The following ART3 variants were observed in gnomAD, a reference collection of about 807,000 sequenced individuals.
ART3 encodes ADP-ribosyltransferase 3 (inactive).
A neutral mutation model predicts 48.5 loss-of-function variants in ART3; 49 were observed. That is an observed-to-expected ratio of 1.01 (90% CI 0.80 to 1.28). ART3 has a LOEUF of 1.28. ART3 is among the 50% of genes most tolerant of loss of function. The probability of loss-of-function intolerance (pLI) is 0.00; values close to 1 mark genes in which losing one functional copy is unlikely to be tolerated. For synonymous variants in ART3, 145 were observed against 157.2 expected, an observed-to-expected ratio of 0.92 and a Z score of 0.58; for missense variants, 438 against 454.3, an observed-to-expected ratio of 0.96 and a Z score of 0.33.
intron 2 of ART3, among the ~76,000 whole-genome samples, chr4:76,079,968 A>G (rs751714169): frequency 1.4e-4 from 21 of 152,068 alleles, no homozygotes; most frequent in Non-Finnish European, 2.5e-4. Flanking sequence ...AGTATCATTC[A>G]CATAGAACCT....
chr4:76,013,354 G>A (rs575337550), intron 1 of ART3, among the ~76,000 whole-genome samples: 4 of 152,246 alleles, frequency 2.6e-5, no homozygotes, highest in East Asian at 1.9e-4. Context: ...GGAACAAGAC[G>A]ATGAAGTGCC....
chr4:76,052,731 T>TTTTTA (rs1221044441), intron 1 of ART3, among the ~76,000 whole-genome samples: 11 of 150,946 alleles, frequency 7.3e-5, no homozygotes, highest in African/African-American at 2.7e-4. Context: ...TTTTTTTTTT[T>TTTTTA]TAAGACAGAG....
chr4:76,059,706 ACT>A (rs1170561999), intron 1 of ART3, among the ~76,000 whole-genome samples: 7 of 152,178 alleles, frequency 4.6e-5, no homozygotes, highest in African/African-American at 1.7e-4. Flanking sequence ...GTAACAAGTG[ACT>A]CTGACAATTT....
chr4:76,100,749 C>G (rs780573978), intron 6 of ART3, 46 bp from the exon 7 acceptor site: 3 of 1,595,896 alleles, frequency 1.9e-6, no homozygotes, highest in Non-Finnish European at 2.6e-6. Context: ...ACTGCCAATT[C>G]TTTTGTTCCT....
intron 1 of ART3, among the ~76,000 whole-genome samples, chr4:76,020,594 A>G (rs1266221605): frequency 6.6e-6 from 1 of 152,196 alleles, no homozygotes; most frequent in Non-Finnish European, 1.5e-5. Flanking sequence ...AGGACATAGA[A>G]TAGAGGAGGA....
chr4:76,091,454 T>A (rs1724868815), intron 3 of ART3, among the ~76,000 whole-genome samples: 1 of 152,192 alleles, frequency 6.6e-6, no homozygotes, highest in Admixed American at 6.5e-5. Context: ...GGTGGTATTT[T>A]ATTGTAGTTT....
At chr4:76,049,461 G>T (rs558456974) in intron 1 of ART3, among the ~76,000 whole-genome samples, 2 of 151,702 alleles carry the variant, frequency 1.3e-5, no homozygotes, top group African/African-American at 4.8e-5. Context: ...GTCGACCCTC[G>T]GCTCAGCCCA....
chr4:76,067,831 T>C (rs1014443627), intron 1 of ART3, among the ~76,000 whole-genome samples: 21 of 152,246 alleles, frequency 1.4e-4, no homozygotes, highest in Admixed American at 1.4e-3. Context: ...AAGAAATATC[T>C]TGTTCTGGTG....
chr4:76,033,521 C>G (rs1025839724), intron 1 of ART3, among the ~76,000 whole-genome samples: 2 of 152,138 alleles, frequency 1.3e-5, no homozygotes, highest in African/African-American at 4.8e-5. Flanking sequence ...TTTGGACTAT[C>G]AAGACCCCCC....
chr4:76,091,789 C>A (rs1165277592), intron 3 of ART3, among the ~76,000 whole-genome samples: 2 of 149,240 alleles, frequency 1.3e-5, no homozygotes, highest in African/African-American at 4.9e-5. Flanking sequence ...TCAAGCAATT[C>A]TCCTGCCTCA....
intron 1 of ART3, among the ~76,000 whole-genome samples, chr4:76,068,774 C>T (rs1192099712): frequency 1.3e-5 from 2 of 152,112 alleles, no homozygotes; most frequent in African/African-American, 2.4e-5. Context: ...ACACATGTAC[C>T]CTTGAGCCTA....
chr4:76,087,038 G>A (rs1038450789), intron 3 of ART3, among the ~76,000 whole-genome samples: 2 of 152,190 alleles, frequency 1.3e-5, no homozygotes, highest in African/African-American at 4.8e-5. Flanking sequence ...CGCTTTTGGT[G>A]TTTTTGATGC....
intron 1 of ART3, among the ~76,000 whole-genome samples, chr4:76,036,576 T>A (rs935884830): frequency 1.3e-5 from 2 of 152,130 alleles, no homozygotes; most frequent in African/African-American, 4.8e-5. Flanking sequence ...CTAAAGAAGT[T>A]TCCCTGTGTT....
chr4:76,029,930 C>T (rs912979643), intron 1 of ART3, among the ~76,000 whole-genome samples: 1 of 152,218 alleles, frequency 6.6e-6, no homozygotes, highest in Non-Finnish European at 1.5e-5. Context: ...CCCCTCATAT[C>T]CCTATTTCTG....
intron 2 of ART3, among the ~76,000 whole-genome samples, chr4:76,079,679 T>C (rs1301084125): frequency 6.6e-6 from 1 of 151,962 alleles, no homozygotes; most frequent in African/African-American, 2.4e-5. Flanking sequence ...GTGAGAGCTG[T>C]TTGGGTGGAG....
intron 1 of ART3, chr4:76,021,833 G>A: frequency 1.7e-6 from 2 of 1,187,276 alleles, no homozygotes; most frequent in Non-Finnish European, 2.5e-6. Flanking sequence ...GAACAATTAT[G>A]GCTTGACATA....
chr4:76,089,096 T>TTATTTTATTC, intron 3 of ART3, among the ~76,000 whole-genome samples: 1 of 152,360 alleles, frequency 6.6e-6, no homozygotes, highest in South Asian at 2.1e-4. Context: ...AAAAGTACTA[T>TTATTTTATTC]TATTTTATTC....
At chr4:76,061,303 G>A (rs1719191987) in intron 1 of ART3, among the ~76,000 whole-genome samples, 3 of 152,046 alleles carry the variant, frequency 2.0e-5, no homozygotes, top group Admixed American at 2.0e-4. Flanking sequence ...AGAAATCTGG[G>A]GGTCAGTTTA....
At chr4:76,081,430 T>C (rs1722442495) in intron 2 of ART3, among the ~76,000 whole-genome samples, 2 of 152,240 alleles carry the variant, frequency 1.3e-5, no homozygotes, top group African/African-American at 4.8e-5. Context: ...TCATGAATAA[T>C]ATTTTGCATA....
Sources: allele counts gnomAD v4.1 joint callset (sites outside exome capture counted in the v4.1 genomes callset), GRCh38; gene constraint gnomAD v4.1.1; transcripts MANE v1.5; gene names NCBI Gene and HGNC (gene_info 2026-07-23, HGNC 2026-07-21).